ZNF766: variants seen among roughly 807,000 people sequenced by gnomAD.
The protein encoded by ZNF766 is zinc finger protein 766.
ZNF766 carries 13 observed loss-of-function variants against 13.2 expected under a neutral mutation model. That is an observed-to-expected ratio of 0.98 (90% CI 0.64 to 1.56). ZNF766 has a LOEUF of 1.56. ZNF766 is among the 40% of genes most tolerant of loss of function. ZNF766 has a pLI of 0.00. For synonymous variants in ZNF766, 178 were observed against 187.6 expected (o/e 0.95, Z 0.42); for missense variants, 521 against 552.2 (o/e 0.94, Z 0.57).
At chr19:52,279,984 C>G (rs563641050) in intron 1 of ZNF766, among the ~76,000 whole-genome samples, 11 of 151,676 alleles carry the variant, frequency 7.3e-5, no homozygotes, top group Admixed American at 7.2e-4. Flanking sequence ...TTAGCAGAGA[C>G]GGGGTTTCAC....
chr19:52,283,147 T>A, intron 2 of ZNF766, 138 bp from the exon 3 acceptor site: 1 of 1,008,964 alleles, frequency 9.9e-7, no homozygotes, highest in Non-Finnish European at 1.4e-6. Flanking sequence ...CCAGCATCTG[T>A]TGCTTGCTGA....
intron 3 of ZNF766, among the ~76,000 whole-genome samples, chr19:52,286,224 C>T (rs999022550): frequency 2.0e-5 from 3 of 149,136 alleles, no homozygotes; most frequent in African/African-American, 7.5e-5. Context: ...TTCATTCTTT[C>T]AATATTGAGT....
chr19:52,284,234 C>T (rs1239326875), intron 3 of ZNF766, among the ~76,000 whole-genome samples: 3 of 152,166 alleles, frequency 2.0e-5, no homozygotes, highest in African/African-American at 7.2e-5. Flanking sequence ...TGGTCTCTTC[C>T]TGTATGGGAT....
chr19:52,291,168 A>C lies in ZNF766; in HGVS notation c.1377A>C (p.Arg459Ser). ...RHSSWFVQHQ[R>S]SVHERVLTN is the part of the protein sequence containing the mutation. ...GTTCATGGTTTGTACAGCATCAGAG[A>C]AGTGTTCATGAGAGAGTCCTTACAA... The change falls in exon 4 of 4, where the codon AGA (arginine) becomes AGC (serine). Residue 459 changes from arginine to serine, a missense_variant. By Grantham distance (110) the Arg-to-Ser change is moderately radical. Transcript: ENST00000439461. 5 of 1,595,664 alleles carry C rather than the reference A, an allele frequency of 3.1e-6. No individual in the cohort carries two copies. Among genetic ancestry groups the C allele is most frequent in the Non-Finnish European group, 4.3e-6 (5 of 1,170,586 alleles).
chr19:52,291,211 C>G lies in ZNF766; in HGVS notation c.*13C>G, dbSNP rs1338366836. 4 of 1,546,126 alleles carry G rather than the reference C, an allele frequency of 2.6e-6. No homozygotes were observed. The highest frequency in any genetic ancestry group is 2.1e-5 in the Admixed American group (1 of 48,710). On this transcript the variant is annotated 3_prime_UTR_variant, in exon 4 of 4. Coordinates refer to ENST00000439461, the MANE Select transcript of ZNF766 (RefSeq NM_001010851.3). The stretch of plus-strand genomic sequence containing the variant: ...CCTTACAAACTGAGTTTGGCAAACT[C>G]TATCATAAGTTCTAGCAGTAATCAA...
intron 1 of ZNF766, among the ~76,000 whole-genome samples, chr19:52,269,948 T>C (rs1235551266): frequency 1.3e-5 from 2 of 152,158 alleles, no homozygotes; most frequent in African/African-American, 4.8e-5. Flanking sequence ...GTCCCAAGCC[T>C]CGTCCTTGTC....
At chr19:52,278,329 C>G (rs1981317439) in intron 1 of ZNF766, among the ~76,000 whole-genome samples, 1 of 152,114 alleles carries the variant, frequency 6.6e-6, no homozygotes, top group South Asian at 2.1e-4. Context: ...TGATACTGAG[C>G]TTTTTTTCCA....
chr19:52,287,098 G>C (rs1020881560), intron 3 of ZNF766, among the ~76,000 whole-genome samples: 2 of 151,248 alleles, frequency 1.3e-5, no homozygotes, highest in African/African-American at 4.9e-5. Context: ...GCCTCCCAAA[G>C]TGCTGGGATT....
rs371307533 is a variant in ZNF766 at position 52,290,617 on chromosome 19, T to A, written c.826T>A (p.Cys276Ser). 1 of 1,613,910 alleles carries A rather than the reference T, an allele frequency of 6.2e-7. No individual in the cohort carries two copies. Among genetic ancestry groups the A allele is most frequent in the African/African-American group, 1.3e-5 (1 of 74,898 alleles). Residue 276 changes from cysteine to serine, a missense_variant, in exon 4 of 4, where the codon TGT (cysteine) becomes AGT (serine). By Grantham distance (112) the Cys-to-Ser change is moderately radical. Transcript: ENST00000439461. The part of the protein sequence containing the change: ...TGESPYKCNE[C>S]GKVFSRITYL... ...AGAGAGTCCTTACAAATGTAATGAG[T>A]GTGGCAAGGTCTTCAGTCGAATTAC...
chr19:52,272,001 A>AC (rs1980999997), intron 1 of ZNF766, among the ~76,000 whole-genome samples: 1 of 148,342 alleles, frequency 6.7e-6, no homozygotes, highest in Non-Finnish European at 1.5e-5. Flanking sequence ...AAAAAAAAAA[A>AC]GCACAGATGA....
chr19:52,286,174 T>C (rs1981809860), intron 3 of ZNF766, among the ~76,000 whole-genome samples: 3 of 129,072 alleles, frequency 2.3e-5, no homozygotes, highest in African/African-American at 6.6e-5. Context: ...AAAGAAAGAA[T>C]CCAAGTGGGC....
Position 52,292,228 on chromosome 19 carries a change from T to A in ZNF766, c.*1030T>A. ...AGATGAGGAGCGTTTCTATCCAGTT[T>A]CCTGGAGGAATAAGGACACTGCCTT... On this transcript the variant is annotated 3_prime_UTR_variant, in exon 4 of 4. Coordinates refer to ENST00000439461, the MANE Select transcript of ZNF766 (RefSeq NM_001010851.3). 1.4e-6 allele frequency: 1 copy of A among 701,010 alleles called. No homozygotes were observed. The highest frequency in any genetic ancestry group is 2.6e-6 in the Non-Finnish European group (1 of 384,400). The allele number at this position is 701,010 out of a possible 1,614,324, so 43.4% of individuals were successfully genotyped here. A position where few individuals can be genotyped will look rare whatever the true frequency, so the allele number is the denominator to read the frequency against.
At chr19:52,273,742 C>T (rs1459438370) in intron 1 of ZNF766, among the ~76,000 whole-genome samples, 1 of 152,242 alleles carries the variant, frequency 6.6e-6, no homozygotes, top group Admixed American at 6.5e-5. Flanking sequence ...ATGTTTCTTT[C>T]TGCTCTTTTG....
Position 52,286,881 on chromosome 19 carries a change from G to A in ZNF766, c.275-3185G>A, listed in dbSNP as rs192652336. On this transcript the variant is annotated intron_variant, in intron 3 of 3. Transcript: ENST00000439461. Reference sequence around the variant, plus strand: ...AAGATGGAGTCTCACTGTGGCCCAAGGTGGAGTGCAGTGGCTTGATCTCGG... The same window carrying A: ...AAGATGGAGTCTCACTGTGGCCCAAAGTGGAGTGCAGTGGCTTGATCTCGG... Among the ~76,000 whole-genome samples, 741 of 152,156 alleles carry A rather than the reference G, an allele frequency of 4.9e-3. 5 individuals are homozygous for A. The highest frequency in any genetic ancestry group is 8.4e-3 in the Admixed American group (129 of 15,288).
At chr19:52,288,663 C>G (rs61356222) in intron 3 of ZNF766, among the ~76,000 whole-genome samples, 40,422 of 149,208 alleles carry the variant, frequency 0.27, 6,102 homozygotes, top group African/African-American at 0.42. Flanking sequence ...CAAAGTGCTG[C>G]GATTATAGGT....
intron 3 of ZNF766, 124 bp from the exon 4 acceptor site, chr19:52,289,942 A>G (rs1982033721): frequency 1.1e-6 from 1 of 944,006 alleles, no homozygotes; most frequent in Non-Finnish European, 1.5e-6. Flanking sequence ...CGGAGCTTGC[A>G]GTGATCCGAG....
At chr19:52,277,374 G>C in intron 1 of ZNF766, 2 of 1,133,708 alleles carry the variant, frequency 1.8e-6, no homozygotes, top group Non-Finnish European at 2.5e-6. Flanking sequence ...CAGGAGAATG[G>C]TGTGAACCCG....
chr19:52,273,796 C>G (rs987532360), intron 1 of ZNF766, among the ~76,000 whole-genome samples: 20 of 152,194 alleles, frequency 1.3e-4, no homozygotes, highest in Admixed American at 9.2e-4. Context: ...AAGGGTAGAG[C>G]AGAGCCAGAA....
At chr19:52,278,889 C>G (rs1174087634) in intron 1 of ZNF766, among the ~76,000 whole-genome samples, 1 of 152,140 alleles carries the variant, frequency 6.6e-6, no homozygotes, top group African/African-American at 2.4e-5. Flanking sequence ...TTGGATATCA[C>G]TTGTCAATTG....
Sources: allele counts gnomAD v4.1 joint callset (sites outside exome capture counted in the v4.1 genomes callset), GRCh38; gene constraint gnomAD v4.1.1; transcripts MANE v1.5; gene names NCBI Gene and HGNC (gene_info 2026-07-23, HGNC 2026-07-21).